KPNA5: variants seen among roughly 807,000 people sequenced by gnomAD.
KPNA5 encodes the protein karyopherin subunit alpha 5.
In KPNA5, 46 loss-of-function variants were observed where a neutral mutation model predicts 71.3. The ratio of observed to expected loss-of-function variants is 0.65; its 90% confidence interval spans 0.51 to 0.83. KPNA5 has a LOEUF of 0.83. Ranked by LOEUF, KPNA5 falls within the 40% of genes least tolerant of loss-of-function variation. The probability of loss-of-function intolerance (pLI) is 0.00; values close to 1 mark genes in which losing one functional copy is unlikely to be tolerated. For synonymous variants in KPNA5, 207 were observed against 201.4 expected, an observed-to-expected ratio of 1.03 and a Z score of -0.24; for missense variants, 547 against 628.3, an observed-to-expected ratio of 0.87 and a Z score of 1.38.
At chr6:116,705,989 G>T (rs1364307200) in intron 7 of KPNA5, among the ~76,000 whole-genome samples, 1 of 152,130 alleles carries the variant, frequency 6.6e-6, no homozygotes, top group East Asian at 1.9e-4. Context: ...ACAAACCACT[G>T]AACTACTCAC....
chr6:116,692,295 A>G lies in KPNA5; in HGVS notation c.243A>G (p.Glu81=), dbSNP rs991972447. 6.3e-7 allele frequency: 1 copy of G among 1,576,340 alleles called. No homozygotes were observed. The highest frequency in any genetic ancestry group is 1.4e-5 in the African/African-American group (1 of 73,432). ...DISSTVPIPE[E]EVVTTDMVQM... is the part of the protein sequence containing the mutation. Reference sequence around the variant, plus strand: ...ATATTTTTGTGTGTGTGTTTTAGGAAGAAGTTGTTACTACAGATATGGTTC... The same window carrying G: ...ATATTTTTGTGTGTGTGTTTTAGGAGGAAGTTGTTACTACAGATATGGTTC... Residue 81 remains glutamate (E), a splice_region_variant and synonymous_variant, in exon 4 of 14, where the codon GAA becomes GAG. Transcript: ENST00000368564.
chr6:116,720,722 T>C (rs760658681), intron 8 of KPNA5, among the ~76,000 whole-genome samples: 2 of 152,148 alleles, frequency 1.3e-5, no homozygotes, highest in African/African-American at 2.4e-5. Flanking sequence ...CTCACACCTA[T>C]GATCCCAGCT....
intron 12 of KPNA5, among the ~76,000 whole-genome samples, chr6:116,726,865 G>C (rs1047540971): frequency 3.3e-5 from 5 of 151,582 alleles, no homozygotes; most frequent in Non-Finnish European, 1.5e-5. Flanking sequence ...AATCCAAACG[G>C]GAACGGTCTA....
intron 8 of KPNA5, among the ~76,000 whole-genome samples, chr6:116,717,659 G>A (rs936125514): frequency 2.6e-5 from 4 of 152,164 alleles, no homozygotes. Flanking sequence ...AGAAAGGAAA[G>A]TACGCTTGGA....
chr6:116,698,640 C>A (rs1480947663), intron 4 of KPNA5, 64 bp from the exon 5 acceptor site: 3 of 895,814 alleles, frequency 3.3e-6, no homozygotes, highest in African/African-American at 3.5e-5. Flanking sequence ...TGTTAATGGA[C>A]ACAGGGACTA....
At chr6:116,728,515 G>A (rs1311367314) in intron 12 of KPNA5, among the ~76,000 whole-genome samples, 3 of 152,148 alleles carry the variant, frequency 2.0e-5, no homozygotes, top group Non-Finnish European at 4.4e-5. Flanking sequence ...CACCAGCAAT[G>A]TGTCTGGTAC....
intron 6 of KPNA5, among the ~76,000 whole-genome samples, chr6:116,702,810 A>G (rs1297323308): frequency 1.3e-5 from 2 of 152,232 alleles, no homozygotes; most frequent in Non-Finnish European, 1.5e-5. Context: ...TGTTTTAAGA[A>G]TATCACATTA....
intron 7 of KPNA5, among the ~76,000 whole-genome samples, chr6:116,711,143 C>T (rs1778661177): frequency 6.6e-6 from 1 of 151,538 alleles, no homozygotes; most frequent in Non-Finnish European, 1.5e-5. Flanking sequence ...ATCCGCTTGC[C>T]TCAGCCTCCT....
chr6:116,715,194 G>C (rs1422792445), intron 7 of KPNA5, among the ~76,000 whole-genome samples: 2 of 151,992 alleles, frequency 1.3e-5, no homozygotes, highest in Non-Finnish European at 2.9e-5. Flanking sequence ...TTTTAACCTA[G>C]GTTCTTTGTA....
chr6:116,740,388 T>A lies in KPNA5; in HGVS notation c.*8065T>A, dbSNP rs1043432529. The A allele has an allele frequency of 2.0e-5, 3 of 152,320 alleles. No individual in the cohort carries two copies. Among genetic ancestry groups the A allele is most frequent in the Middle Eastern group, 3.4e-3 (1 of 294 alleles). 9.4% of individuals were successfully genotyped at this position (152,320 alleles called of 1,614,324 possible). A position where few individuals can be genotyped will look rare whatever the true frequency, so the allele number is the denominator to read the frequency against. On this transcript the variant is annotated 3_prime_UTR_variant, in exon 14 of 14. Coordinates refer to ENST00000368564, the MANE Select transcript of KPNA5 (RefSeq NM_001366306.2). ...TGGAGAAATAGGAACACTTTTACACTGTTGGTGGGACTGTAAACTAGTTCA... is the reference window on the plus strand; with the variant it reads ...TGGAGAAATAGGAACACTTTTACACAGTTGGTGGGACTGTAAACTAGTTCA...
intron 1 of KPNA5, among the ~76,000 whole-genome samples, chr6:116,684,456 T>C (rs1316139812): frequency 6.6e-6 from 1 of 152,206 alleles, no homozygotes; most frequent in Non-Finnish European, 1.5e-5. Flanking sequence ...TTACAGGCAC[T>C]TTTATTTTCT....
In KPNA5 at chr6:116,681,341, A is replaced by T; in HGVS notation, c.4+3A>T. 1 of 1,600,238 alleles carries T rather than the reference A, an allele frequency of 6.2e-7. No homozygotes were observed. Among genetic ancestry groups the T allele is most frequent in the Non-Finnish European group, 8.5e-7 (1 of 1,172,180 alleles). ...ATCGGAGAGTGCCACATTAATGGGT[A>T]AGTTGGAGTGAACACGGGCTAGGTT... On this transcript the variant is annotated splice_donor_region_variant and intron_variant, in intron 1 of 13. Transcript: ENST00000368564.
At chr6:116,722,978 C>T (rs1378509221) in intron 9 of KPNA5, among the ~76,000 whole-genome samples, 1 of 152,128 alleles carries the variant, frequency 6.6e-6, no homozygotes, top group Non-Finnish European at 1.5e-5. Context: ...GGGGTCCCAG[C>T]ATGAGGATAG....
Position 116,740,997 on chromosome 6 carries a change from A to G in KPNA5, c.*8674A>G, listed in dbSNP as rs555788043. Reference sequence around the variant, plus strand: ...TACCCTGAAACTTAAAGTATAATAAAAAAAAAAGAAATGTACTTTTAAATT... The same window carrying G: ...TACCCTGAAACTTAAAGTATAATAAGAAAAAAAGAAATGTACTTTTAAATT... On this transcript the variant is annotated 3_prime_UTR_variant, in exon 14 of 14. Transcript: ENST00000368564. 1.3e-5 allele frequency: 2 copies of G among 151,670 alleles called. No individual in the cohort carries two copies. The highest frequency in any genetic ancestry group is 3.9e-4 in the East Asian group (2 of 5,180). The allele number at this position is 151,670 out of a possible 1,614,324, so 9.4% of individuals were successfully genotyped here.
intron 8 of KPNA5, among the ~76,000 whole-genome samples, chr6:116,718,165 C>A (rs1017594861): frequency 1.3e-5 from 2 of 152,120 alleles, no homozygotes; most frequent in African/African-American, 4.8e-5. Context: ...ACTGCCCTCA[C>A]CCCATGAGTA....
Position 116,730,990 on chromosome 6 carries a change from A to G in KPNA5, c.1433-1146A>G, listed in dbSNP as rs539702749. On this transcript the variant is annotated intron_variant, in intron 13 of 13. Transcript: ENST00000368564. ...TATTTTAATAAAACATACCATGTTCATTTATGTTTAAATAACTCAGTCTAA... is the reference window on the plus strand; with the variant it reads ...TATTTTAATAAAACATACCATGTTCGTTTATGTTTAAATAACTCAGTCTAA... 4.6e-5 allele frequency among the ~76,000 whole-genome samples: 7 copies of G among 152,044 alleles called. No homozygotes were observed. The South Asian group carries it at 1.5e-3, about 32-fold the overall frequency.
chr6:116,718,159 C>G (rs1318682121), intron 8 of KPNA5, among the ~76,000 whole-genome samples: 1 of 152,096 alleles, frequency 6.6e-6, no homozygotes. Context: ...GTAACAACTG[C>G]CCTCACCCCA....
At position 116,710,998 on chromosome 6, in the gene KPNA5, G is replaced by A. The variant is rs181993557; in HGVS notation, c.657-5221G>A. Among the ~76,000 whole-genome samples, 500 of 148,714 alleles carry A rather than the reference G, an allele frequency of 3.4e-3. 1 individual carries two copies. Among genetic ancestry groups the A allele is most frequent in the Non-Finnish European group, 6.1e-3 (411 of 67,386 alleles). On this transcript the variant is annotated intron_variant, in intron 7 of 13. Transcript: ENST00000368564. ...CACACTCTGCCTCCCGGGTTCAAGC[G>A]ATTCTTTCACCTCCGCCTCCCAAGT...
chr6:116,719,668 A>G (rs1388334592), intron 8 of KPNA5, among the ~76,000 whole-genome samples: 1 of 151,930 alleles, frequency 6.6e-6, no homozygotes, highest in East Asian at 1.9e-4. Context: ...GCAACATTGT[A>G]AGAGCCTGTC....
Sources: allele counts gnomAD v4.1 joint callset (sites outside exome capture counted in the v4.1 genomes callset), GRCh38; gene constraint gnomAD v4.1.1; transcripts MANE v1.5; gene names NCBI Gene and HGNC (gene_info 2026-07-23, HGNC 2026-07-21).